Variants in KYAT3 observed in about 807,000 individuals in gnomAD.
KYAT3 encodes kynurenine aminotransferase 3.
In KYAT3, 50 loss-of-function variants were observed where a neutral mutation model predicts 59.0. That is an observed-to-expected ratio of 0.85 (90% confidence interval 0.68 to 1.07). The LOEUF (loss-of-function observed/expected upper bound fraction) is 1.07. Ranked by LOEUF, KYAT3 falls within the 50% of genes least tolerant of loss-of-function variation. The pLI, the probability that KYAT3 is intolerant of heterozygous loss-of-function variation, is 0.00. For missense variants in KYAT3, 497 were observed against 533.3 expected (o/e 0.93, Z 0.67); for synonymous variants, 148 against 177.0 (o/e 0.84, Z 1.30).
chr1:88,932,619 A>G (rs1674931788), downstream of KYAT3, among the ~76,000 whole-genome samples: 1 of 152,036 alleles, frequency 6.6e-6, no homozygotes, highest in Non-Finnish European at 1.5e-5. Flanking sequence ...CAGTCTCCCA[A>G]GTAGCTGGGA....
intron 2 of KYAT3, among the ~76,000 whole-genome samples, chr1:88,977,505 A>G (rs1010526079): frequency 6.6e-6 from 1 of 152,066 alleles, no homozygotes; most frequent in Non-Finnish European, 1.5e-5. Context: ...CCCTTCCTTT[A>G]TTTTTGTACT....
chr1:88,925,097 T>C, the KYAT3 span, among the ~76,000 whole-genome samples: 1 of 152,168 alleles, frequency 6.6e-6, no homozygotes, highest in Admixed American at 6.5e-5. Flanking sequence ...TGCTATTCTG[T>C]CCTATTCTTC....
intron 4 of KYAT3, among the ~76,000 whole-genome samples, chr1:88,966,206 A>C (rs2101051816): frequency 6.6e-6 from 1 of 152,262 alleles, no homozygotes; most frequent in South Asian, 2.1e-4. Context: ...ACTAGAATAT[A>C]CATATTAATA....
intron 3 of KYAT3, 56 bp from the exon 4 acceptor site, chr1:88,968,870 T>G: frequency 7.5e-7 from 1 of 1,329,788 alleles, no homozygotes; most frequent in Non-Finnish European, 1.0e-6. Flanking sequence ...AAGTTCGCTT[T>G]TTTATATCTT....
At chr1:88,944,734 G>C (rs146086682) in intron 11 of KYAT3, among the ~76,000 whole-genome samples, 47 of 152,284 alleles carry the variant, frequency 3.1e-4, no homozygotes, top group African/African-American at 1.1e-3. Flanking sequence ...TACACAGGTA[G>C]GCAGAGAAAG....
chr1:88,926,350 C>T, the KYAT3 span, among the ~76,000 whole-genome samples: 14 of 152,198 alleles, frequency 9.2e-5, no homozygotes, highest in Admixed American at 4.6e-4. Context: ...CTCGCTCTGT[C>T]ACCCAGGCTG....
intron 2 of KYAT3, among the ~76,000 whole-genome samples, chr1:88,984,535 TAG>T (rs1200831898): frequency 6.6e-6 from 1 of 152,132 alleles, no homozygotes; most frequent in Non-Finnish European, 1.5e-5. Context: ...AAACAACATA[TAG>T]TTTGTTACTT....
downstream of KYAT3, among the ~76,000 whole-genome samples, chr1:88,932,243 C>T (rs1490115416): frequency 1.3e-5 from 2 of 152,154 alleles, no homozygotes; most frequent in Non-Finnish European, 2.9e-5. Flanking sequence ...TTGTGTGTAG[C>T]TGTACTTTGT....
chr1:88,925,042 C>A, the KYAT3 span, among the ~76,000 whole-genome samples: 2 of 152,184 alleles, frequency 1.3e-5, no homozygotes, highest in African/African-American at 2.4e-5. Flanking sequence ...TTGGTGACCA[C>A]GAAGGGACTT....
intron 1 of KYAT3, among the ~76,000 whole-genome samples, chr1:88,989,794 C>G (rs371719513): frequency 6.6e-6 from 1 of 152,156 alleles, no homozygotes; most frequent in African/African-American, 2.4e-5. Context: ...CTTGAAATCT[C>G]AAAGCCTAAA....
At chr1:88,941,453 A>G (rs1675231552) in intron 13 of KYAT3, among the ~76,000 whole-genome samples, 1 of 152,198 alleles carries the variant, frequency 6.6e-6, no homozygotes, top group African/African-American at 2.4e-5. Context: ...TAAATCTCTC[A>G]GCTTTCATTT....
the KYAT3 span, among the ~76,000 whole-genome samples, chr1:88,921,903 G>A: frequency 2.0e-5 from 3 of 152,176 alleles, no homozygotes; most frequent in South Asian, 6.2e-4. Context: ...TGAAGGGCAA[G>A]CTGCCTTACT....
At chr1:88,969,070 T>A (rs1351942876) in intron 3 of KYAT3, among the ~76,000 whole-genome samples, 2 of 152,200 alleles carry the variant, frequency 1.3e-5, no homozygotes, top group African/African-American at 4.8e-5. Context: ...ATATATATAT[T>A]TTCTCAACAA....
intron 2 of KYAT3, chr1:88,981,104 G>A (rs562476507): frequency 6.6e-6 from 1 of 152,284 alleles, no homozygotes; most frequent in African/African-American, 2.4e-5. Context: ...CCAAGACGGG[G>A]AGGTAAAGCA....
chr1:88,967,990 C>T (rs1480675116), intron 4 of KYAT3, among the ~76,000 whole-genome samples: 1 of 152,162 alleles, frequency 6.6e-6, no homozygotes, highest in African/African-American at 2.4e-5. Context: ...CAGGGATTCT[C>T]ACCAGTGTCA....
chr1:88,948,613 G>A (rs1358537609), intron 11 of KYAT3, among the ~76,000 whole-genome samples: 7 of 152,178 alleles, frequency 4.6e-5, no homozygotes, highest in East Asian at 1.9e-4. Flanking sequence ...TTTTGAGTAC[G>A]TGGCACAAAG....
the KYAT3 span, among the ~76,000 whole-genome samples, chr1:88,926,525 AG>A: frequency 6.6e-6 from 1 of 152,296 alleles, no homozygotes; most frequent in Non-Finnish European, 1.5e-5. Context: ...TGTGTTGCCC[AG>A]GCTGGTCGCA....
rs1034770025 is a variant in KYAT3 at position 88,961,031 on chromosome 1, A to G, written c.787+136T>C. The G allele has an allele frequency of 5.4e-6, 4 of 745,562 alleles. No individual in the cohort carries two copies. In the East Asian group the frequency reaches 1.0e-4, roughly 19 times the overall value. 46.2% of individuals were successfully genotyped at this position (745,562 alleles called of 1,614,324 possible). On this transcript the variant is annotated intron_variant, in intron 8 of 13. Transcript: ENST00000260508. ...TCACTAAAGTATTGCTCATTTAAATACTATTTTAAAGTGTTCATACAGACA... is the reference window on the plus strand; with the variant it reads ...TCACTAAAGTATTGCTCATTTAAATGCTATTTTAAAGTGTTCATACAGACA...
chr1:88,972,727 TTC>T (rs1445852119), intron 2 of KYAT3, among the ~76,000 whole-genome samples: 3 of 152,150 alleles, frequency 2.0e-5, no homozygotes, highest in Admixed American at 1.3e-4. Context: ...TCTTAAAAGG[TTC>T]TGTTAGGATG....
Sources: gnomAD v4.1 joint callset for allele counts (sites outside exome capture counted in the v4.1 genomes callset) on GRCh38, gnomAD v4.1.1 for gene constraint, MANE v1.5 for transcripts, NCBI Gene and HGNC (gene_info 2026-07-23, HGNC 2026-07-21) for gene names.